The following DGKA variants were observed in gnomAD, a reference collection of about 807,000 sequenced individuals.
DGKA encodes the protein 80 kDa diacylglycerol kinase.
A neutral mutation model predicts 105.0 loss-of-function variants in DGKA; 35 were observed. The observed-to-expected ratio is 0.33, with a 90% CI of 0.25 to 0.44. DGKA has a LOEUF of 0.44. Among genes scored for constraint, DGKA ranks in the 20% least tolerant of loss-of-function variants. The probability of loss-of-function intolerance (pLI) is 1.00; values close to 1 mark genes in which losing one functional copy is unlikely to be tolerated. For synonymous variants in DGKA, 296 were observed against 332.0 expected, an observed-to-expected ratio of 0.89 and a Z score of 1.18; for missense variants, 665 against 915.0, an observed-to-expected ratio of 0.73 and a Z score of 3.53.
At chr12:55,927,670 C>T (rs528099208), upstream of DGKA, 3 of 1,534,210 alleles carry the variant, frequency 2.0e-6, no homozygotes, top group South Asian at 2.4e-5. Flanking sequence ...CCCACTCAAC[C>T]ACCAGAGACC....
chr12:55,932,709 GCACACACA>G lies in DGKA; in HGVS notation c.-82+1390_-82+1397del, dbSNP rs57799285. On this transcript the variant is annotated intron_variant, in intron 1 of 23. Coordinates refer to ENST00000331886, the MANE Select transcript of DGKA (RefSeq NM_001345.5). This position sits in a 1 kb window ranked among gnomAD's most constrained non-coding sequence, Gnocchi z 4.3. ...ACACCCTCTACACACACACACACAC[GCACACACA>G]CACACACACACACACACACACACAA... The G allele has an allele frequency of 4.6e-3, 2,313 of 498,146 alleles. 23 individuals are homozygous for G. Among genetic ancestry groups the G allele is most frequent in the African/African-American group, 0.03 (1,459 of 49,260 alleles). 30.9% of individuals were successfully genotyped at this position (498,146 alleles called of 1,614,324 possible). A position where few individuals can be genotyped will look rare whatever the true frequency, so the allele number is the denominator to read the frequency against.
In DGKA at chr12:55,941,596, T is replaced by A. The variant is rs1263775421; in HGVS notation, c.1250+12T>A. ...GGTCCTGAGATAGGGTGAGCACAGGTTAGGGACTGTATCACAGTGTTTTCG... is the reference window on the plus strand; with the variant it reads ...GGTCCTGAGATAGGGTGAGCACAGGATAGGGACTGTATCACAGTGTTTTCG... On this transcript the variant is annotated intron_variant, in intron 15 of 23. Coordinates refer to ENST00000331886, the MANE Select transcript of DGKA (RefSeq NM_001345.5). The A allele has an allele frequency of 6.2e-7, 1 of 1,613,484 alleles. No individual in the cohort carries two copies. The highest frequency in any genetic ancestry group is 8.5e-7 in the Non-Finnish European group (1 of 1,179,444).
At chr12:55,937,859 C>G in intron 4 of DGKA, 119 bp from the exon 5 acceptor site, 1 of 930,724 alleles carries the variant, frequency 1.1e-6, no homozygotes, top group Non-Finnish European at 1.7e-6. Flanking sequence ...AAGACCCTGT[C>G]TCTCAAAAAA....
At chr12:55,945,460 A>G (rs1886810161) in intron 17 of DGKA, among the ~76,000 whole-genome samples, 1 of 152,224 alleles carries the variant, frequency 6.6e-6, no homozygotes, top group Non-Finnish European at 1.5e-5. Context: ...AGTGGCTTAA[A>G]GCAACACAAA....
chr12:55,945,080 G>A (rs1457810114), intron 17 of DGKA, among the ~76,000 whole-genome samples: 3 of 152,162 alleles, frequency 2.0e-5, no homozygotes, highest in Non-Finnish European at 4.4e-5. Context: ...GATTATATGC[G>A]TGAGCCACCG....
intron 17 of DGKA, among the ~76,000 whole-genome samples, chr12:55,949,450 C>T (rs1463864933): frequency 6.6e-6 from 1 of 152,188 alleles, no homozygotes; most frequent in Non-Finnish European, 1.5e-5. Context: ...CTGCCCACCT[C>T]GGCCTCCCAA....
rs1229147481 is a variant in DGKA at position 55,937,405 on chromosome 12, T to C, written c.139-3T>C. Reference sequence around the variant, plus strand: ...CCCAGGATAATGCTCACTCTCATTATAGGCCATTGGGTACGAGGGATTCCA... The same window carrying C: ...CCCAGGATAATGCTCACTCTCATTACAGGCCATTGGGTACGAGGGATTCCA... On this transcript the variant is annotated splice_polypyrimidine_tract_variant and splice_region_variant and intron_variant, in intron 3 of 23. Transcript: ENST00000331886. The C allele has an allele frequency of 1.2e-6, 2 of 1,613,686 alleles. No homozygotes were observed. The highest frequency in any genetic ancestry group is 1.6e-4 in the Middle Eastern group (1 of 6,062).
chr12:55,936,035 G>A (rs1884623252), intron 1 of DGKA: 24 of 995,360 alleles, frequency 2.4e-5, no homozygotes, highest in Non-Finnish European at 2.8e-5. Flanking sequence ...GATGGGGAGA[G>A]TCTGCAGAGA....
intron 2 of DGKA, chr12:55,936,787 C>T (rs1163010871): frequency 1.2e-6 from 1 of 854,554 alleles, no homozygotes; most frequent in Non-Finnish European, 2.0e-6. Context: ...TGCAAGGTCT[C>T]GGCTCTCTAC....
rs369581155 is a variant in DGKA at position 55,942,789 on chromosome 12, A to G, written c.1426+526A>G. 68 of 168,996 alleles carry G rather than the reference A, an allele frequency of 4.0e-4. 2 individuals carry two copies. In the East Asian group the frequency reaches 4.5e-3, roughly 11 times the overall value. The allele number at this position is 168,996 out of a possible 1,614,324, so 10.5% of individuals were successfully genotyped here. On this transcript the variant is annotated intron_variant, in intron 17 of 23. Transcript: ENST00000331886. ...GATGGTATTGGTAGATAAAGAGGTC[A>G]GTGTAGGGCAGATTGTGTTTGAGGA...
upstream of DGKA, among the ~76,000 whole-genome samples, chr12:55,928,569 TC>T (rs1415943333): frequency 6.8e-6 from 1 of 146,180 alleles, no homozygotes; most frequent in African/African-American, 2.6e-5. Flanking sequence ...TCTCAGCTAC[TC>T]GGGAGGCTGA....
chr12:55,932,461 G>T lies in DGKA; in HGVS notation c.-82+1117G>T. 1 of 692,876 alleles carries T rather than the reference G, an allele frequency of 1.4e-6. No homozygotes were observed. 42.9% of individuals were successfully genotyped at this position (692,876 alleles called of 1,614,324 possible). On this transcript the variant is annotated intron_variant, in intron 1 of 23. Transcript: ENST00000331886. The surrounding 1 kb of genome is among the most constrained non-coding windows in gnomAD (Gnocchi z 4.3). ...CACGGGTGGAGAAGGGTTCTTGTTTGGCCTCCAGGTCCCCAACTTCCCACC... is the reference window on the plus strand; with the variant it reads ...CACGGGTGGAGAAGGGTTCTTGTTTTGCCTCCAGGTCCCCAACTTCCCACC...
chr12:55,953,729 A>ACC lies in DGKA; in HGVS notation c.2175_2176dup (p.Arg726ProfsTer10). 6.2e-7 allele frequency: 1 copy of ACC among 1,613,168 alleles called. No homozygotes were observed. Among genetic ancestry groups the ACC allele is most frequent in the Non-Finnish European group, 8.5e-7 (1 of 1,179,776 alleles). ...ACCAGATGCCCATGCTCATGGGCCC[A>ACC]CCCCCCCGCTCCACCAATTTCTTTG... On this transcript the variant is annotated frameshift_variant, in exon 24 of 24. Transcript: ENST00000331886. LOFTEE classifies it high-confidence loss of function.
At chr12:55,936,870 G>A (rs1299140717) in intron 2 of DGKA, 147 bp from the exon 3 acceptor site, 1 of 864,614 alleles carries the variant, frequency 1.2e-6, no homozygotes. Context: ...CTGTTTTGGA[G>A]GATCTGAAAT....
rs201309431 is a variant in DGKA at position 55,953,753 on chromosome 12, T to C, written c.2193T>C (p.Phe731=). 29 of 1,614,184 alleles carry C rather than the reference T, an allele frequency of 1.8e-5. No individual in the cohort carries two copies. The highest frequency in any genetic ancestry group is 2.5e-5 in the Non-Finnish European group (29 of 1,180,030). The stretch of plus-strand genomic sequence containing the variant: ...CACCCCCCCGCTCCACCAATTTCTT[T>C]GGCTTCTTGAGCTAAGGGGGACACC... ...MGPPPRSTNF[F]GFLS is the part of the protein sequence containing the mutation. The change falls in exon 24 of 24, where the codon TTT becomes TTC. Residue 731 remains phenylalanine (F), a synonymous_variant. Coordinates refer to ENST00000331886, the MANE Select transcript of DGKA (RefSeq NM_001345.5).
At chr12:55,936,200 ACAGAGATGAGT>A (rs1884663958) in intron 1 of DGKA, 1 of 563,458 alleles carries the variant, frequency 1.8e-6, no homozygotes, top group South Asian at 3.4e-5. Context: ...AAATGGAGAG[ACAGAGATGAGT>A]CAGAGAAACA....
intron 23 of DGKA, 120 bp from the exon 24 acceptor site, chr12:55,953,565 C>G (rs150417978): frequency 6.0e-6 from 8 of 1,328,812 alleles, no homozygotes; most frequent in Non-Finnish European, 8.6e-6. Context: ...GTTTCCCTAT[C>G]GTGGCCTCTC....
At position 55,936,323 on chromosome 12, in the gene DGKA, A is replaced by C. The variant is rs528556388; in HGVS notation, c.-81-100A>C. 3.2e-4 allele frequency: 431 copies of C among 1,346,070 alleles called. 4 individuals are homozygous for C. The African/African-American group carries it at 5.9e-3, about 18-fold the overall frequency. 83.4% of individuals were successfully genotyped at this position (1,346,070 alleles called of 1,614,324 possible). On this transcript the variant is annotated intron_variant, in intron 1 of 23. Coordinates refer to ENST00000331886, the MANE Select transcript of DGKA (RefSeq NM_001345.5). ...AGGGACTAGGAGAGAAGGAAAGAAC[A>C]AAAAATAATAGTGGGAGTAGAGACA...
intron 2 of DGKA, 60 bp downstream of exon 2, chr12:55,936,627 T>C (rs1206480648): frequency 4.4e-6 from 7 of 1,608,724 alleles, no homozygotes; most frequent in Non-Finnish European, 6.0e-6. Context: ...TCCCTCCTCC[T>C]CCTCATTACA....
Sources: allele counts gnomAD v4.1 joint callset (sites outside exome capture counted in the v4.1 genomes callset), GRCh38; gene constraint gnomAD v4.1.1; non-coding constraint Gnocchi (gnomAD v3.1); transcripts MANE v1.5; gene names NCBI Gene and HGNC (gene_info 2026-07-23, HGNC 2026-07-21).